Variants in CAPZA2 observed in about 807,000 individuals in gnomAD.
The protein encoded by CAPZA2 is capping actin protein of muscle Z-line subunit alpha 2.
CAPZA2 carries 13 observed loss-of-function variants against 44.0 expected under a neutral mutation model. The observed-to-expected ratio is 0.30, with a 90% CI of 0.19 to 0.47. CAPZA2 has a LOEUF of 0.47. Among genes scored for constraint, CAPZA2 ranks in the 20% least tolerant of loss-of-function variants. The pLI, the probability that CAPZA2 is intolerant of heterozygous loss-of-function variation, is 1.00. For synonymous variants in CAPZA2, 94 were observed against 108.2 expected (o/e 0.87, Z 0.81); for missense variants, 244 against 338.6 (o/e 0.72, Z 2.19).
chr7:116,885,864 A>G (rs886555362), intron 1 of CAPZA2, among the ~76,000 whole-genome samples: 1 of 152,100 alleles, frequency 6.6e-6, no homozygotes, highest in Non-Finnish European at 1.5e-5. Context: ...AGGCATTATT[A>G]TGTAGGCATG....
intron 1 of CAPZA2, among the ~76,000 whole-genome samples, chr7:116,887,837 A>C (rs1014964623): frequency 6.6e-6 from 1 of 152,270 alleles, no homozygotes; most frequent in Non-Finnish European, 1.5e-5. Context: ...CATCTCAAAA[A>C]ATAAAAAATT....
intron 5 of CAPZA2, 116 bp downstream of exon 5, chr7:116,904,499 C>A: frequency 1.5e-6 from 1 of 647,580 alleles, no homozygotes; most frequent in Non-Finnish European, 2.7e-6. Flanking sequence ...CATTTTTTTC[C>A]TTAAATATTT....
intron 6 of CAPZA2, among the ~76,000 whole-genome samples, chr7:116,909,248 A>T (rs1216071824): frequency 2.0e-5 from 3 of 152,168 alleles, no homozygotes; most frequent in Non-Finnish European, 2.9e-5. Flanking sequence ...CAGTATAGTG[A>T]TTAATTACCC....
intron 5 of CAPZA2, among the ~76,000 whole-genome samples, 190 bp from the exon 6 acceptor site, chr7:116,906,073 C>G (rs192065069): frequency 1.4e-4 from 22 of 152,186 alleles, no homozygotes; most frequent in Admixed American, 1.4e-3. Context: ...TTGTGGTCCA[C>G]TAATAATTTG....
Position 116,910,159 on chromosome 7 carries a change from A to G in CAPZA2, c.507-74A>G, listed in dbSNP as rs1241207638. 3.6e-6 allele frequency: 3 copies of G among 825,760 alleles called. No individual in the cohort carries two copies. The Admixed American group carries it at 5.4e-5, about 15-fold the overall frequency. 51.2% of individuals were successfully genotyped at this position (825,760 alleles called of 1,614,324 possible). A position where few individuals can be genotyped will look rare whatever the true frequency, so the allele number is the denominator to read the frequency against. On this transcript the variant is annotated intron_variant, in intron 6 of 9. Transcript: ENST00000361183. ...ACACTCTCTCATACTGTAGCATGAA[A>G]TATAATCTGAAACTTAAAATTGATT... is the stretch of plus-strand genomic sequence containing the variant.
rs1408173106 is a variant in CAPZA2, at chr7:116,865,454, G to A, written c.39+2804G>A. 2.0e-5 allele frequency among the ~76,000 whole-genome samples: 3 copies of A among 152,094 alleles called. No individual in the cohort carries two copies. The East Asian group carries it at 5.8e-4, about 29-fold the overall frequency. On this transcript the variant is annotated intron_variant, in intron 1 of 9. Coordinates refer to ENST00000361183, the MANE Select transcript of CAPZA2 (RefSeq NM_006136.3). ...ACCCCCCTCGGCCTCCCAAAGTGCT[G>A]GGATTACAGGCGTGAGCCACCATGC...
Position 116,862,954 on chromosome 7 carries a change from GC to G in CAPZA2, c.39+307del, listed in dbSNP as rs1358723690. On this transcript the variant is annotated intron_variant, in intron 1 of 9. Transcript: ENST00000361183. ...GCGGGCGCGGGGGAGGGCGGCGGCT[GC>G]CCAGGACCCTCTCCTGCTGTCGGGC... Among the ~76,000 whole-genome samples the G allele has an allele frequency of 2.0e-5, 3 of 152,174 alleles. No individual in the cohort carries two copies. The East Asian group carries it at 5.8e-4, about 30-fold the overall frequency.
intron 1 of CAPZA2, among the ~76,000 whole-genome samples, chr7:116,885,861 A>G (rs1417127310): frequency 1.3e-5 from 2 of 152,140 alleles, no homozygotes; most frequent in African/African-American, 2.4e-5. Flanking sequence ...TGGAGGCATT[A>G]TTATGTAGGC....
intron 6 of CAPZA2, among the ~76,000 whole-genome samples, chr7:116,907,699 T>C (rs1341212759): frequency 6.6e-6 from 1 of 152,156 alleles, no homozygotes; most frequent in African/African-American, 2.4e-5. Context: ...CAGGCCGGTC[T>C]CAAATTCCAG....
intron 1 of CAPZA2, among the ~76,000 whole-genome samples, chr7:116,867,185 T>C (rs1204081428): frequency 6.6e-6 from 1 of 152,264 alleles, no homozygotes; most frequent in African/African-American, 2.4e-5. Context: ...AAATAATGTT[T>C]GGTAACAAAA....
intron 2 of CAPZA2, among the ~76,000 whole-genome samples, chr7:116,890,524 A>AT (rs1796820263): frequency 3.4e-5 from 1 of 29,820 alleles, no homozygotes; most frequent in African/African-American, 1.7e-4. Context: ...AAAAAAAAAA[A>AT]AATATATATA....
chr7:116,863,838 A>G (rs919231100), intron 1 of CAPZA2, among the ~76,000 whole-genome samples: 1 of 152,210 alleles, frequency 6.6e-6, no homozygotes, highest in African/African-American at 2.4e-5. Context: ...ATTTTCATTT[A>G]GGACCCTCTG....
chr7:116,892,961 A>C (rs766907453), intron 2 of CAPZA2, 33 bp from the exon 3 acceptor site: 18 of 1,480,164 alleles, frequency 1.2e-5, no homozygotes, highest in Non-Finnish European at 1.5e-5. Flanking sequence ...AACATATAAC[A>C]ATAATAATGT....
intron 4 of CAPZA2, among the ~76,000 whole-genome samples, chr7:116,901,881 A>ATATGTGTGTGTG (rs375500363): frequency 0.018 from 2,532 of 140,860 alleles, 33 homozygotes; most frequent in South Asian, 0.03. Flanking sequence ...TAACGAAGAA[A>ATATGTGTGTGTG]TGTGTGTGTG....
intron 1 of CAPZA2, among the ~76,000 whole-genome samples, chr7:116,870,409 T>C (rs1562956251): frequency 6.6e-6 from 1 of 152,150 alleles, no homozygotes. Flanking sequence ...AATAGTTGAG[T>C]GTCTACTCTA....
At chr7:116,876,564 T>G (rs1796625457) in intron 1 of CAPZA2, among the ~76,000 whole-genome samples, 1 of 152,234 alleles carries the variant, frequency 6.6e-6, no homozygotes, top group Non-Finnish European at 1.5e-5. Flanking sequence ...AGACCTTATT[T>G]GCTTTCTTAA....
intron 1 of CAPZA2, among the ~76,000 whole-genome samples, chr7:116,884,340 C>T (rs960434624): frequency 2.6e-5 from 4 of 151,662 alleles, no homozygotes; most frequent in African/African-American, 4.8e-5. Context: ...TAGATACATA[C>T]TAGTACAGTT....
chr7:116,875,473 C>T (rs1473569930), intron 1 of CAPZA2: 1 of 151,950 alleles, frequency 6.6e-6, no homozygotes, highest in Non-Finnish European at 1.5e-5. Context: ...CTAGCAATAT[C>T]CATAAAATCT....
chr7:116,882,353 A>T (rs10953829), intron 1 of CAPZA2, among the ~76,000 whole-genome samples: 34,231 of 151,778 alleles, frequency 0.23, 3,952 homozygotes, highest in East Asian at 0.4. Flanking sequence ...AGGGCTTTTC[A>T]TTTTCCTCCA....
Sources: allele counts gnomAD v4.1 joint callset (sites outside exome capture counted in the v4.1 genomes callset), GRCh38; gene constraint gnomAD v4.1.1; transcripts MANE v1.5; gene names NCBI Gene and HGNC (gene_info 2026-07-23, HGNC 2026-07-21).